Variants in LRRC7 observed in about 807,000 individuals in gnomAD.
LRRC7 encodes leucine-rich repeat-containing protein 7.
A neutral mutation model predicts 175.7 loss-of-function variants in LRRC7; 23 were observed. That is an observed-to-expected ratio of 0.13 (90% CI 0.09 to 0.19). The LOEUF is 0.19. Among genes scored for constraint, LRRC7 ranks in the 10% least tolerant of loss-of-function variants. LRRC7 has a pLI of 1.00. For missense variants in LRRC7, 1,354 were observed against 1,904.7 expected (o/e 0.71, Z 5.38); for synonymous variants, 685 against 680.9 (o/e 1.01, Z -0.09).
chr1:69,593,230 T>A (rs1371924975), intron 1 of LRRC7, among the ~76,000 whole-genome samples: 1 of 152,100 alleles, frequency 6.6e-6, no homozygotes, highest in African/African-American at 2.4e-5. Context: ...AATCTCATTA[T>A]TAGAATTTAA....
In LRRC7 at chr1:69,889,000, A is replaced by G. The variant is rs572922637; in HGVS notation, c.648-42507A>G. On this transcript the variant is annotated intron_variant, in intron 7 of 26. Transcript: ENST00000651989. ...GAAACTATTGTTTTCCACTGCATAT[A>G]AACATTATGTTTACAATATACTGTA... Among the ~76,000 whole-genome samples, 3 of 152,368 alleles carry G rather than the reference A, an allele frequency of 2.0e-5. 1 individual carries two copies. Among genetic ancestry groups the G allele is most frequent in the African/African-American group, 7.2e-5 (3 of 41,584 alleles).
intron 26 of LRRC7, among the ~76,000 whole-genome samples, chr1:70,116,122 T>C (rs1014645713): frequency 1.3e-5 from 2 of 151,740 alleles, no homozygotes; most frequent in Non-Finnish European, 2.9e-5. Flanking sequence ...TACTATTTAT[T>C]ATCAGTTCCA....
intron 23 of LRRC7, among the ~76,000 whole-genome samples, chr1:70,073,212 CTAT>C (rs1662520455): frequency 6.6e-6 from 1 of 152,026 alleles, no homozygotes; most frequent in Non-Finnish European, 1.5e-5. Flanking sequence ...TGGGTGGTAG[CTAT>C]TATTTATTAA....
chr1:69,795,789 C>G (rs886286007), intron 4 of LRRC7, among the ~76,000 whole-genome samples: 2 of 152,060 alleles, frequency 1.3e-5, no homozygotes, highest in African/African-American at 4.8e-5. Flanking sequence ...TGCCTGTCAT[C>G]CTGATCCACC....
chr1:69,919,221 G>A (rs1267952935), intron 7 of LRRC7: 2 of 346,594 alleles, frequency 5.8e-6, no homozygotes, highest in East Asian at 5.7e-5. Flanking sequence ...AGTCCATAGG[G>A]TGTCATTCTC....
chr1:69,934,190 A>G (rs933845068), intron 8 of LRRC7, among the ~76,000 whole-genome samples: 12 of 152,172 alleles, frequency 7.9e-5, no homozygotes, highest in African/African-American at 2.9e-4. Context: ...CTGTAGCTAG[A>G]TATTGACACC....
At chr1:69,678,245 G>C in intron 1 of LRRC7, 136 bp from the exon 2 acceptor site, 2 of 620,778 alleles carry the variant, frequency 3.2e-6, no homozygotes, top group Non-Finnish European at 5.7e-6. Flanking sequence ...CTCCCTGCCA[G>C]CTTGCTCCTT....
At chr1:69,882,580 A>G (rs538334154) in intron 7 of LRRC7, among the ~76,000 whole-genome samples, 1 of 152,214 alleles carries the variant, frequency 6.6e-6, no homozygotes, top group Non-Finnish European at 1.5e-5. Context: ...ACCATTTGTA[A>G]CAACATGGAT....
intron 2 of LRRC7, among the ~76,000 whole-genome samples, chr1:69,693,040 A>T (rs1030082146): frequency 4.6e-5 from 7 of 152,054 alleles, no homozygotes; most frequent in Admixed American, 2.6e-4. Context: ...GCAGACACGG[A>T]CAGGAGTCTA....
At chr1:69,847,169 A>G (rs762675024) in intron 7 of LRRC7, among the ~76,000 whole-genome samples, 2 of 152,146 alleles carry the variant, frequency 1.3e-5, no homozygotes, top group Non-Finnish European at 1.5e-5. Flanking sequence ...TAGGAAAGGC[A>G]TACATCCATT....
chr1:69,817,288 A>C (rs1678713560), intron 4 of LRRC7, among the ~76,000 whole-genome samples: 1 of 151,906 alleles, frequency 6.6e-6, no homozygotes, highest in Non-Finnish European at 1.5e-5. Flanking sequence ...ATAAGTCTTT[A>C]ATCCATTTTG....
chr1:69,810,632 C>T (rs1225067037), intron 4 of LRRC7, among the ~76,000 whole-genome samples: 2 of 151,856 alleles, frequency 1.3e-5, no homozygotes, highest in Non-Finnish European at 2.9e-5. Context: ...ATCTACAACC[C>T]TCTGATCTTT....
At chr1:69,876,026 C>T (rs554136514) in intron 7 of LRRC7, among the ~76,000 whole-genome samples, 2 of 152,220 alleles carry the variant, frequency 1.3e-5, no homozygotes, top group East Asian at 3.9e-4. Flanking sequence ...GTGAACAACA[C>T]TCTGTATTGC....
chr1:70,111,630 T>C (rs1665534105), intron 26 of LRRC7, among the ~76,000 whole-genome samples: 1 of 152,208 alleles, frequency 6.6e-6, no homozygotes, highest in Admixed American at 6.5e-5. Context: ...CATTTTATGA[T>C]TCAAAATATA....
chr1:69,693,919 TA>T (rs1015460394), intron 2 of LRRC7, among the ~76,000 whole-genome samples: 1 of 152,206 alleles, frequency 6.6e-6, no homozygotes, highest in Non-Finnish European at 1.5e-5. Flanking sequence ...AGCAAGCATA[TA>T]TTTTTTAAAC....
chr1:69,881,223 G>C (rs890692420), intron 7 of LRRC7, among the ~76,000 whole-genome samples: 1 of 152,094 alleles, frequency 6.6e-6, no homozygotes, highest in Non-Finnish European at 1.5e-5. Context: ...ATGAATAGAG[G>C]GGATATGGCA....
chr1:69,873,490 C>G, intron 7 of LRRC7: 1 of 532,968 alleles, frequency 1.9e-6, no homozygotes, highest in Non-Finnish European at 3.8e-6. Context: ...AGAGTGTGCC[C>G]CTTGCCCAAT....
intron 7 of LRRC7, among the ~76,000 whole-genome samples, chr1:69,907,609 G>A (rs1254161996): frequency 6.6e-6 from 1 of 152,176 alleles, no homozygotes; most frequent in African/African-American, 2.4e-5. Context: ...CAGGGATGAA[G>A]CCCAGCTGAT....
intron 1 of LRRC7, among the ~76,000 whole-genome samples, chr1:69,579,774 G>A (rs944290938): frequency 6.7e-6 from 1 of 149,100 alleles, no homozygotes; most frequent in South Asian, 2.1e-4. Flanking sequence ...AAGGTAAGGA[G>A]TGTCTCTTTT....
Sources: allele counts gnomAD v4.1 joint callset (sites outside exome capture counted in the v4.1 genomes callset), GRCh38; gene constraint gnomAD v4.1.1; transcripts MANE v1.5; gene names NCBI Gene and HGNC (gene_info 2026-07-23, HGNC 2026-07-21).